WNT8B: variants seen among roughly 807,000 people sequenced by gnomAD.
WNT8B encodes Wnt family member 8B.
WNT8B carries 24 observed loss-of-function variants against 36.6 expected under a neutral mutation model. The ratio of observed to expected loss-of-function variants is 0.66; its 90% CI spans 0.48 to 0.92. The LOEUF is 0.92. Ranked by LOEUF, WNT8B falls within the 40% of genes least tolerant of loss-of-function variation. WNT8B has a pLI of 0.00. For synonymous variants in WNT8B, 199 were observed against 189.8 expected, an observed-to-expected ratio of 1.05 and a Z score of -0.40; for missense variants, 402 against 470.8, an observed-to-expected ratio of 0.85 and a Z score of 1.35.
At chr10:100,480,459 G>A (rs1334185788) in intron 3 of WNT8B, among the ~76,000 whole-genome samples, 1 of 152,212 alleles carries the variant, frequency 6.6e-6, no homozygotes, top group Non-Finnish European at 1.5e-5. Flanking sequence ...ACCAATCAGA[G>A]GTTCTTTTCA....
chr10:100,480,806 C>T (rs1851100174), intron 3 of WNT8B, among the ~76,000 whole-genome samples, 192 bp from the exon 4 acceptor site: 1 of 151,974 alleles, frequency 6.6e-6, no homozygotes, highest in African/African-American at 2.4e-5. Flanking sequence ...GAGTTTGAGA[C>T]AAGCCTAGGC....
rs753838373 is a variant in WNT8B at position 100,482,786 on chromosome 10, C to G, written c.1026C>G (p.Gly342=). Residue 342 remains glycine (G), a synonymous_variant, in exon 6 of 6, where the codon GGC becomes GGG. Transcript: ENST00000343737. This position sits in a 1 kb window ranked among gnomAD's most constrained non-coding sequence, Gnocchi z 6.6. ...FCSRAERPRG[G]AAHKPGRKP Reference sequence around the variant, plus strand: ...GCCGCGCAGAGCGGCCGCGGGGGGGCGCTGCGCACAAACCCGGGAGAAAAC... The same window carrying G: ...GCCGCGCAGAGCGGCCGCGGGGGGGGGCTGCGCACAAACCCGGGAGAAAAC... 2.2e-5 allele frequency: 35 copies of G among 1,584,408 alleles called. No homozygotes were observed. The highest frequency in any genetic ancestry group is 8.7e-5 in the Admixed American group (5 of 57,288).
Position 100,483,014 on chromosome 10 carries a change from GA to G in WNT8B, c.*200del. On this transcript the variant is annotated 3_prime_UTR_variant, in exon 6 of 6. Transcript: ENST00000343737. ...TCTGTGCTCTCCTAGAGCTCTGTCT[GA>G]ATCCTCGCAGCCACACCTAGGTCTG... 1 of 582,030 alleles carries G rather than the reference GA, an allele frequency of 1.7e-6. No individual in the cohort carries two copies. Among genetic ancestry groups the G allele is most frequent in the South Asian group, 3.2e-5 (1 of 31,194 alleles). The allele number at this position is 582,030 out of a possible 1,614,324, so 36.1% of individuals were successfully genotyped here. A position where few individuals can be genotyped will look rare whatever the true frequency, so the allele number is the denominator to read the frequency against.
chr10:100,481,869 G>A (rs755505677), intron 4 of WNT8B, 43 bp from the exon 5 acceptor site: 1 of 1,609,978 alleles, frequency 6.2e-7, no homozygotes, highest in Non-Finnish European at 8.5e-7. Context: ...GAGGCTCTGC[G>A]CCCGCTTGCT....
rs1408839500 is a variant in WNT8B at position 100,478,287 on chromosome 10, G to A, written c.69-765G>A. 2.0e-5 allele frequency among the ~76,000 whole-genome samples: 3 copies of A among 152,160 alleles called. No homozygotes were observed. In the East Asian group the frequency reaches 5.8e-4, roughly 29 times the overall value. On this transcript the variant is annotated intron_variant, in intron 1 of 5. Transcript: ENST00000343737. Reference sequence around the variant, plus strand: ...CTTCACTCACTTATTAGCTGGGTGAGCCTGAACACACGTTTAACTTTTCTG... The same window carrying A: ...CTTCACTCACTTATTAGCTGGGTGAACCTGAACACACGTTTAACTTTTCTG...
intron 1 of WNT8B, among the ~76,000 whole-genome samples, chr10:100,474,981 C>T (rs1851021264): frequency 6.6e-6 from 1 of 152,108 alleles, no homozygotes; most frequent in South Asian, 2.1e-4. Context: ...TGGCTCACGC[C>T]TGTAATCCCA....
At chr10:100,469,290 C>T (rs1299989723) in intron 1 of WNT8B, among the ~76,000 whole-genome samples, 1 of 152,208 alleles carries the variant, frequency 6.6e-6, no homozygotes, top group Non-Finnish European at 1.5e-5. Context: ...CATAACTCCT[C>T]ACTCTCTGCA....
Position 100,471,370 on chromosome 10 carries a change from A to G in WNT8B, c.69-7682A>G, listed in dbSNP as rs188721560. 1.4e-3 allele frequency among the ~76,000 whole-genome samples: 211 copies of G among 152,366 alleles called. 1 individual carries two copies. Among genetic ancestry groups the G allele is most frequent in the Non-Finnish European group, 1.5e-3 (103 of 68,022 alleles). ...CATAGAACCCAGTGTGAGCAGCAAC[A>G]GTGCCTAGAAAATGTGCCCAGGGGA... On this transcript the variant is annotated intron_variant, in intron 1 of 5. Coordinates refer to ENST00000343737, the MANE Select transcript of WNT8B (RefSeq NM_003393.4).
Position 100,482,175 on chromosome 10 carries a change from C to A in WNT8B, c.511-96C>A. 4 of 1,545,168 alleles carry A rather than the reference C, an allele frequency of 2.6e-6. No individual in the cohort carries two copies. Among genetic ancestry groups the A allele is most frequent in the Non-Finnish European group, 3.5e-6 (4 of 1,147,878 alleles). ...AAAATGAGGTACCAAGTGGGCTGGC[C>A]CAGTAGACTAACTAGACTTCTCGCA... On this transcript the variant is annotated intron_variant, in intron 5 of 5. Coordinates refer to ENST00000343737, the MANE Select transcript of WNT8B (RefSeq NM_003393.4). This position sits in a 1 kb window ranked among gnomAD's most constrained non-coding sequence, Gnocchi z 6.6.
intron 1 of WNT8B, among the ~76,000 whole-genome samples, chr10:100,477,626 A>T (rs1221445057): frequency 2.0e-5 from 3 of 152,174 alleles, no homozygotes; most frequent in Non-Finnish European, 4.4e-5. Flanking sequence ...CCTTTGAAGG[A>T]CATTGGGTAG....
rs1851129944 is a variant in WNT8B, at chr10:100,482,492, G to T, written c.732G>T (p.Arg244=). The change falls in exon 6 of 6, where the codon CGG becomes CGT. Residue 244 remains arginine, a synonymous_variant. Coordinates refer to ENST00000343737, the MANE Select transcript of WNT8B (RefSeq NM_003393.4). This position sits in a 1 kb window ranked among gnomAD's most constrained non-coding sequence, Gnocchi z 6.6. The stretch of plus-strand genomic sequence containing the variant: ...ACACCTTTCGCTCCATCTCTACCCG[G>T]GAGCTGGTGCACCTGGAGGACTCCC... ...IADTFRSIST[R]ELVHLEDSPD... is the part of the protein sequence containing the mutation. 6.2e-7 allele frequency: 1 copy of T among 1,602,414 alleles called. No individual in the cohort carries two copies. The highest frequency in any genetic ancestry group is 8.5e-7 in the Non-Finnish European group (1 of 1,179,790).
At chr10:100,475,614 T>C (rs1851029467) in intron 1 of WNT8B, among the ~76,000 whole-genome samples, 1 of 152,244 alleles carries the variant, frequency 6.6e-6, no homozygotes, top group African/African-American at 2.4e-5. Flanking sequence ...TCACCCCAGC[T>C]ATGGCAAAGC....
At chr10:100,480,460 G>A (rs1057436205) in intron 3 of WNT8B, among the ~76,000 whole-genome samples, 1 of 152,182 alleles carries the variant, frequency 6.6e-6, no homozygotes, top group Non-Finnish European at 1.5e-5. Context: ...CCAATCAGAG[G>A]TTCTTTTCAA....
In WNT8B at chr10:100,482,093, T is replaced by C. The variant is rs1303901569; in HGVS notation, c.510+39T>C. On this transcript the variant is annotated intron_variant, in intron 5 of 5. Coordinates refer to ENST00000343737, the MANE Select transcript of WNT8B (RefSeq NM_003393.4). This position sits in a 1 kb window ranked among gnomAD's most constrained non-coding sequence, Gnocchi z 6.6. ...CCCTTGGAAATAGGCAGCTGCTGGCTATATCCACTACCAGCTCCAGGTGCG... is the reference window on the plus strand; with the variant it reads ...CCCTTGGAAATAGGCAGCTGCTGGCCATATCCACTACCAGCTCCAGGTGCG... 5 of 1,612,402 alleles carry C rather than the reference T, an allele frequency of 3.1e-6. No homozygotes were observed. Among genetic ancestry groups the C allele is most frequent in the Non-Finnish European group, 4.2e-6 (5 of 1,178,782 alleles).
At chr10:100,473,307 A>C (rs1850999042) in intron 1 of WNT8B, among the ~76,000 whole-genome samples, 1 of 152,180 alleles carries the variant, frequency 6.6e-6, no homozygotes, top group African/African-American at 2.4e-5. Flanking sequence ...TATAAAAGGC[A>C]CCCTTTAACA....
At chr10:100,481,797 A>G (rs1851115655) in intron 4 of WNT8B, 115 bp from the exon 5 acceptor site, 9 of 1,440,302 alleles carry the variant, frequency 6.2e-6, no homozygotes, top group Non-Finnish European at 7.4e-6. Context: ...CACTCGCCCA[A>G]CCTTAATCCT....
At chr10:100,476,702 C>T (rs994326364) in intron 1 of WNT8B, among the ~76,000 whole-genome samples, 1 of 152,206 alleles carries the variant, frequency 6.6e-6, no homozygotes, top group Non-Finnish European at 1.5e-5. Context: ...TGAAGTCATT[C>T]TCCAAGTCTT....
chr10:100,467,929 T>C (rs750384404), intron 1 of WNT8B, among the ~76,000 whole-genome samples: 1 of 152,168 alleles, frequency 6.6e-6, no homozygotes, highest in Non-Finnish European at 1.5e-5. Context: ...ACTACCATGG[T>C]TCAAAACAGG....
chr10:100,469,699 CTG>C (rs1850952782), intron 1 of WNT8B, among the ~76,000 whole-genome samples: 1 of 152,230 alleles, frequency 6.6e-6, no homozygotes. Flanking sequence ...TTCTGTGTAA[CTG>C]TGTGTGTGGG....
Sources: allele counts gnomAD v4.1 joint callset (sites outside exome capture counted in the v4.1 genomes callset), GRCh38; gene constraint gnomAD v4.1.1; non-coding constraint Gnocchi (gnomAD v3.1); transcripts MANE v1.5; gene names NCBI Gene and HGNC (gene_info 2026-07-23, HGNC 2026-07-21).